AAK1: variants seen among roughly 807,000 people sequenced by gnomAD.
The protein encoded by AAK1 is AP2 associated kinase 1.
Under a neutral mutation model 116.0 loss-of-function variants are expected in AAK1, and 37 were observed. The observed-to-expected ratio is 0.32, with a 90% confidence interval of 0.25 to 0.42. The LOEUF is 0.42. Ranked by LOEUF, AAK1 falls within the 10% of genes least tolerant of loss-of-function variation. The probability of loss-of-function intolerance (pLI) is 1.00; values close to 1 mark genes in which losing one functional copy is unlikely to be tolerated. For missense variants in AAK1, 919 were observed against 1,170.6 expected (o/e 0.79, Z 3.14); for synonymous variants, 458 against 439.9 (o/e 1.04, Z -0.51).
chr2:69,560,270 A>C (rs1406253765), intron 2 of AAK1, among the ~76,000 whole-genome samples: 1 of 152,244 alleles, frequency 6.6e-6, no homozygotes, highest in Non-Finnish European at 1.5e-5. Context: ...CTTCTCGTGC[A>C]CAGCCCTGTC....
At chr2:69,629,384 G>A (rs1190306068) in intron 2 of AAK1, among the ~76,000 whole-genome samples, 1 of 152,156 alleles carries the variant, frequency 6.6e-6, no homozygotes, top group East Asian at 1.9e-4. Flanking sequence ...CATTTAAATG[G>A]TTTAGAGTTC....
Position 69,462,152 on chromosome 2 carries a change from G to C in AAK1, c.*13717C>G, listed in dbSNP as rs1674355323. On this transcript the variant is annotated 3_prime_UTR_variant, in exon 22 of 22. Transcript: ENST00000409085. ...CAAACACCGCATGTTCTCACTCATA[G>C]GTGGGAATTGAACAAAGAGAACACA... 1 of 146,968 alleles carries C rather than the reference G, an allele frequency of 6.8e-6. No homozygotes were observed. Among genetic ancestry groups the C allele is most frequent in the African/African-American group, 2.5e-5 (1 of 39,494 alleles). 9.1% of individuals were successfully genotyped at this position (146,968 alleles called of 1,614,324 possible). A position where few individuals can be genotyped will look rare whatever the true frequency, so the allele number is the denominator to read the frequency against.
At chr2:69,517,992 C>T (rs1355704616) in intron 12 of AAK1, among the ~76,000 whole-genome samples, 2 of 152,082 alleles carry the variant, frequency 1.3e-5, no homozygotes, top group African/African-American at 2.4e-5. Flanking sequence ...CATGGTGGCA[C>T]ATGCTTATAG....
intron 2 of AAK1, among the ~76,000 whole-genome samples, chr2:69,563,345 G>A (rs1294911626): frequency 6.6e-6 from 1 of 152,128 alleles, no homozygotes; most frequent in Non-Finnish European, 1.5e-5. Flanking sequence ...GAGAAGTGAT[G>A]GGAAACAGCT....
chr2:69,630,695 A>T (rs930007593), intron 2 of AAK1, among the ~76,000 whole-genome samples: 1 of 152,210 alleles, frequency 6.6e-6, no homozygotes, highest in African/African-American at 2.4e-5. Flanking sequence ...TTCAATTCTC[A>T]TGCTTTTAAA....
chr2:69,574,138 AG>A, intron 2 of AAK1, among the ~76,000 whole-genome samples: 1 of 152,176 alleles, frequency 6.6e-6, no homozygotes, highest in African/African-American at 2.4e-5. Flanking sequence ...TGGGAGGCTG[AG>A]GTGGATCACT....
At chr2:69,564,318 C>A (rs886809248) in intron 2 of AAK1, among the ~76,000 whole-genome samples, 1 of 152,090 alleles carries the variant, frequency 6.6e-6, no homozygotes, top group Non-Finnish European at 1.5e-5. Context: ...CGAGGAAAAA[C>A]TGACCTCCCT....
intron 2 of AAK1, among the ~76,000 whole-genome samples, chr2:69,613,802 GATAAAC>G (rs1256993773): frequency 6.6e-6 from 1 of 152,176 alleles, no homozygotes; most frequent in African/African-American, 2.4e-5. Flanking sequence ...ACAATAAACT[GATAAAC>G]ATAAAGTATT....
chr2:69,565,947 C>T (rs1671847367), intron 2 of AAK1, among the ~76,000 whole-genome samples: 1 of 152,104 alleles, frequency 6.6e-6, no homozygotes, highest in African/African-American at 2.4e-5. Flanking sequence ...AGAGTGTCCT[C>T]TCCACAGTGA....
intron 17 of AAK1, among the ~76,000 whole-genome samples, chr2:69,487,388 T>C (rs1412917803): frequency 6.6e-6 from 1 of 152,182 alleles, no homozygotes; most frequent in Non-Finnish European, 1.5e-5. Context: ...TGATGGGGCA[T>C]GGAGAAGAAC....
intron 2 of AAK1, among the ~76,000 whole-genome samples, chr2:69,628,704 G>C (rs1559016300): frequency 6.6e-6 from 1 of 152,132 alleles, no homozygotes. Flanking sequence ...GATTTTAAAA[G>C]AGAAAGGAAT....
intron 2 of AAK1, among the ~76,000 whole-genome samples, chr2:69,584,504 C>CT (rs1477720520): frequency 2.6e-5 from 4 of 152,180 alleles, no homozygotes; most frequent in Non-Finnish European, 5.9e-5. Flanking sequence ...GTAGGGGTAA[C>CT]TTTTTCTCTT....
At chr2:69,637,733 A>G (rs1675511021) in intron 2 of AAK1, among the ~76,000 whole-genome samples, 1 of 152,172 alleles carries the variant, frequency 6.6e-6, no homozygotes, top group Admixed American at 6.5e-5. Context: ...ACATTCAAAT[A>G]TTGCAAGTTA....
intron 5 of AAK1, among the ~76,000 whole-genome samples, chr2:69,532,767 C>T (rs147210507): frequency 6.6e-6 from 1 of 152,286 alleles, no homozygotes; most frequent in African/African-American, 2.4e-5. Context: ...GTTTCAGTTA[C>T]TTCTCAATGT....
rs141810692 is a variant in AAK1 at position 69,590,126 on chromosome 2, AC to A, written c.164-33149del. On this transcript the variant is annotated intron_variant, in intron 2 of 21. Transcript: ENST00000409085. ...TACCACTGCATGAGCTCAGGTAAAA[AC>A]AAGACTCCATCATCCTCTTCCTCCA... Among the ~76,000 whole-genome samples the A allele has an allele frequency of 1.1e-4, 17 of 152,250 alleles. No homozygotes were observed. The East Asian group carries it at 3.3e-3, about 29-fold the overall frequency.
chr2:69,513,486 A>AT lies in AAK1; in HGVS notation c.1776+984dup, dbSNP rs1326538251. Among the ~76,000 whole-genome samples, 987 of 149,772 alleles carry AT rather than the reference A, an allele frequency of 6.6e-3. 10 individuals carry two copies. Among genetic ancestry groups the AT allele is most frequent in the African/African-American group, 0.016 (673 of 40,924 alleles). On this transcript the variant is annotated intron_variant, in intron 13 of 21. Coordinates refer to ENST00000409085, the MANE Select transcript of AAK1 (RefSeq NM_014911.5). ...AGGTGCCTGCCACCACGCCCGGCTA[A>AT]TTTTTTTTTTGTATTTTTAGTAGAG...
chr2:69,634,415 G>A (rs1231560709), intron 2 of AAK1, among the ~76,000 whole-genome samples: 1 of 152,226 alleles, frequency 6.6e-6, no homozygotes, highest in Non-Finnish European at 1.5e-5. Context: ...ATCACAAAAT[G>A]AGAGTATGTA....
intron 18 of AAK1, chr2:69,482,435 G>A (rs1675125847): frequency 1.7e-6 from 1 of 594,608 alleles, no homozygotes; most frequent in South Asian, 2.2e-5. Context: ...ATTTTTTAAA[G>A]TTCTTCTAAC....
At chr2:69,501,839 C>T (rs751735970) in intron 16 of AAK1, among the ~76,000 whole-genome samples, 1 of 152,032 alleles carries the variant, frequency 6.6e-6, no homozygotes, top group South Asian at 2.1e-4. Flanking sequence ...GGCACGGTGG[C>T]GTGCAACTGT....
Sources: gnomAD v4.1 joint callset for allele counts (sites outside exome capture counted in the v4.1 genomes callset) on GRCh38, gnomAD v4.1.1 for gene constraint, MANE v1.5 for transcripts, NCBI Gene and HGNC (gene_info 2026-07-23, HGNC 2026-07-21) for gene names.